The following SUPT6H variants were observed in gnomAD, a reference collection of about 807,000 sequenced individuals.
The protein encoded by SUPT6H is SPT6 homolog, histone chaperone and transcription elongation factor.
A neutral mutation model predicts 222.3 loss-of-function variants in SUPT6H; 11 were observed. That is an observed-to-expected ratio of 0.05 (90% confidence interval 0.03 to 0.08). The LOEUF is 0.08. Ranked by LOEUF, SUPT6H falls within the 10% of genes least tolerant of loss-of-function variation. The pLI, the probability that SUPT6H is intolerant of heterozygous loss-of-function variation, is 1.00. For synonymous variants in SUPT6H, 762 were observed against 801.2 expected (o/e 0.95, Z 0.83); for missense variants, 1,422 against 2,216.0 (o/e 0.64, Z 7.19).
chr17:28,685,036 G>C (rs2031313045), intron 19 of SUPT6H, 75 bp downstream of exon 19: 3 of 1,388,702 alleles, frequency 2.2e-6, no homozygotes, highest in East Asian at 2.5e-5. Context: ...AAGTGTTTAC[G>C]GTCTAAGCAA....
chr17:28,699,033 CACTT>C (rs1385223464), intron 32 of SUPT6H, among the ~76,000 whole-genome samples: 1 of 152,212 alleles, frequency 6.6e-6, no homozygotes, highest in African/African-American at 2.4e-5. Flanking sequence ...GCAGAATTAA[CACTT>C]ACGGAAGAGT....
In SUPT6H at chr17:28,695,507, C is replaced by T; in HGVS notation, c.3930C>T (p.His1310=). The change falls in exon 29 of 37, where the codon CAC becomes CAT. Residue 1310 remains histidine (H), a synonymous_variant. Transcript: ENST00000314616. ...YYDFDAEAAD[H]KQEEDMKRKQ... is the part of the protein sequence containing the mutation. Reference sequence around the variant, plus strand: ...ACTTTGATGCTGAAGCTGCAGACCACAAGCAGGAGGAGGACATGAAGCGGA... The same window carrying T: ...ACTTTGATGCTGAAGCTGCAGACCATAAGCAGGAGGAGGACATGAAGCGGA... The T allele has an allele frequency of 1.2e-6, 2 of 1,614,084 alleles. No homozygotes were observed. Among genetic ancestry groups the T allele is most frequent in the African/African-American group, 1.3e-5 (1 of 75,018 alleles).
In SUPT6H at chr17:28,682,988, G is replaced by A. The variant is rs750361031; in HGVS notation, c.1774G>A (p.Val592Ile). 6.2e-7 allele frequency: 1 copy of A among 1,613,826 alleles called. No individual in the cohort carries two copies. ...EAVLEGARYM[V>I]ALQIAREPLV... ...TGTGCTAGAAGGCGCCCGCTACATG[G>A]TAGCCCTGCAGATTGCCCGTGAGCC... is the stretch of plus-strand genomic sequence containing the variant. Residue 592 changes from valine (V) to isoleucine (I), a missense_variant, in exon 15 of 37, where the codon GTA becomes ATA. Transcript: ENST00000314616.
chr17:28,692,741 C>T (rs1170480376), intron 27 of SUPT6H, among the ~76,000 whole-genome samples: 2 of 148,078 alleles, frequency 1.4e-5, no homozygotes, highest in Non-Finnish European at 3.0e-5. Flanking sequence ...GTGGCTCACG[C>T]CTATAATCCC....
chr17:28,680,274 C>T (rs2031024886), intron 11 of SUPT6H, among the ~76,000 whole-genome samples: 1 of 151,804 alleles, frequency 6.6e-6, no homozygotes. Flanking sequence ...CCATTGCACT[C>T]CAGCCTGGGT....
chr17:28,670,699 C>A lies in SUPT6H; in HGVS notation c.-31-2672C>A, dbSNP rs576421420. Among the ~76,000 whole-genome samples, 6 of 152,174 alleles carry A rather than the reference C, an allele frequency of 3.9e-5. No homozygotes were observed. In the South Asian group the frequency reaches 1.2e-3, roughly 32 times the overall value. On this transcript the variant is annotated intron_variant, in intron 1 of 36. Coordinates refer to ENST00000314616, the MANE Select transcript of SUPT6H (RefSeq NM_003170.5). Reference sequence around the variant, plus strand: ...GTCAGGAGTTCAAGACCAGCCTGACCAACATGGAGAAACCCCCTCTCTACT... The same window carrying A: ...GTCAGGAGTTCAAGACCAGCCTGACAAACATGGAGAAACCCCCTCTCTACT...
intron 11 of SUPT6H, among the ~76,000 whole-genome samples, chr17:28,679,835 C>A (rs1411799361): frequency 1.3e-5 from 2 of 150,198 alleles, no homozygotes; most frequent in Non-Finnish European, 3.0e-5. Flanking sequence ...ACTGAAAATA[C>A]AAAAATTAGC....
Position 28,701,757 on chromosome 17 carries a change from C to T in SUPT6H, c.*132C>T, listed in dbSNP as rs2032146480. ...GAGACGTTCTCTTTGGTGGTCAACC[C>T]GGATGGGTGACAGGCTGGATGGCCT... On this transcript the variant is annotated 3_prime_UTR_variant, in exon 37 of 37. Transcript: ENST00000314616. The T allele has an allele frequency of 5.2e-6, 5 of 969,390 alleles. No individual in the cohort carries two copies. The highest frequency in any genetic ancestry group is 5.2e-5 in the East Asian group (2 of 38,800). 60.0% of individuals were successfully genotyped at this position (969,390 alleles called of 1,614,324 possible). A position where few individuals can be genotyped will look rare whatever the true frequency, so the allele number is the denominator to read the frequency against.
Position 28,689,408 on chromosome 17 carries a change from T to C in SUPT6H, c.3189T>C (p.Tyr1063=), listed in dbSNP as rs556523817. Residue 1063 remains tyrosine, a synonymous_variant, in exon 25 of 37, where the codon TAT becomes TAC. Transcript: ENST00000314616. ...LDGSRVHPET[Y]EWARKMAVDA... is the part of the protein sequence containing the mutation. ...GTTCCCGTGTCCACCCTGAGACTTA[T>C]GAGTGGGCTAGGAAGATGGCAGTGG... 16 of 1,614,230 alleles carry C rather than the reference T, an allele frequency of 9.9e-6. No individual in the cohort carries two copies. In the East Asian group the frequency reaches 1.6e-4, roughly 16 times the overall value.
chr17:28,680,003 AAAGAAAG>A (rs2031004172), intron 11 of SUPT6H, among the ~76,000 whole-genome samples: 1 of 46,056 alleles, frequency 2.2e-5, no homozygotes, highest in Non-Finnish European at 8.4e-5. Context: ...AAAAAAAAAA[AAAGAAAG>A]AAAGAAAAAG....
chr17:28,678,769 T>C (rs1433567959), intron 10 of SUPT6H, 52 bp from the exon 11 acceptor site: 4 of 1,613,574 alleles, frequency 2.5e-6, no homozygotes, highest in African/African-American at 1.3e-5. Flanking sequence ...AGAGCAGCCT[T>C]GAGTCTCCAG....
chr17:28,667,436 T>C lies in SUPT6H; in HGVS notation c.-32+5094T>C, dbSNP rs569284201. On this transcript the variant is annotated intron_variant, in intron 1 of 36. Coordinates refer to ENST00000314616, the MANE Select transcript of SUPT6H (RefSeq NM_003170.5). ...ATATATATATATATATATATATATA[T>C]GTATGTGTGTGTGTATACATATGTA... is the stretch of plus-strand genomic sequence containing the variant. Among the ~76,000 whole-genome samples, 161 of 132,422 alleles carry C rather than the reference T, an allele frequency of 1.2e-3. 3 individuals are homozygous for C. Among genetic ancestry groups the C allele is most frequent in the African/African-American group, 4.5e-3 (161 of 35,706 alleles). 86.9% of individuals were successfully genotyped at this position (132,422 alleles called of 152,430 possible).
intron 4 of SUPT6H, 59 bp downstream of exon 4, chr17:28,674,672 C>T: frequency 6.5e-7 from 1 of 1,540,984 alleles, no homozygotes; most frequent in Non-Finnish European, 9.0e-7. Context: ...CTGGAAATTT[C>T]AATGTCTGTG....
chr17:28,692,009 C>T (rs1001134549), intron 27 of SUPT6H, among the ~76,000 whole-genome samples: 1 of 151,866 alleles, frequency 6.6e-6, no homozygotes, highest in Non-Finnish European at 1.5e-5. Flanking sequence ...CATAGCAAGA[C>T]CCCATCTCCT....
chr17:28,687,574 G>A (rs1453056844), intron 23 of SUPT6H, 103 bp downstream of exon 23: 6 of 1,307,604 alleles, frequency 4.6e-6, no homozygotes, highest in Non-Finnish European at 6.2e-6. Context: ...ACCAAGGTCA[G>A]TGACTTGTCC....
intron 22 of SUPT6H, 35 bp from the exon 23 acceptor site, chr17:28,687,269 G>C (rs1384270892): frequency 6.2e-7 from 1 of 1,614,176 alleles, no homozygotes; most frequent in South Asian, 1.1e-5. Flanking sequence ...GGGAAAGGCA[G>C]AGTAACCTTA....
At position 28,700,494 on chromosome 17, in the gene SUPT6H, C is replaced by T. The variant is rs770489674; in HGVS notation, c.4788C>T (p.Gly1596=). 8 of 1,613,794 alleles carry T rather than the reference C, an allele frequency of 5.0e-6. No individual in the cohort carries two copies. The highest frequency in any genetic ancestry group is 4.5e-5 in the East Asian group (2 of 44,894). Residue 1596 remains glycine (G), a synonymous_variant, in exon 35 of 37, where the codon GGC becomes GGT. Coordinates refer to ENST00000314616, the MANE Select transcript of SUPT6H (RefSeq NM_003170.5). The part of the protein sequence containing the change: ...SSQYGYGGSG[G]GSSAYHVFPT... ...AGTACGGCTATGGCGGCAGTGGAGG[C>T]GGCAGCAGTGCTTACCACGTATGTG...
intron 19 of SUPT6H, among the ~76,000 whole-genome samples, chr17:28,685,740 T>G (rs2031349034): frequency 6.6e-6 from 1 of 152,172 alleles, no homozygotes; most frequent in African/African-American, 2.4e-5. Context: ...TGCCTCAGCC[T>G]CCCAAAGTGC....
At position 28,682,737 on chromosome 17, in the gene SUPT6H, C is replaced by T; in HGVS notation, c.1608C>T (p.Ala536=). 1 of 1,614,136 alleles carries T rather than the reference C, an allele frequency of 6.2e-7. No individual in the cohort carries two copies. Among genetic ancestry groups the T allele is most frequent in the East Asian group, 2.2e-5 (1 of 44,886 alleles). ...ICQSAGLDGL[A]KKFGLTPEQF... Reference sequence around the variant, plus strand: ...TTCTGTTTGCTTTAGATGGCCTGGCCAAAAAGTTTGGGCTTACTCCCGAGC... The same window carrying T: ...TTCTGTTTGCTTTAGATGGCCTGGCTAAAAAGTTTGGGCTTACTCCCGAGC... Residue 536 remains alanine, a synonymous_variant, in exon 14 of 37, where the codon GCC becomes GCT. Transcript: ENST00000314616.
Sources: allele counts gnomAD v4.1 joint callset (sites outside exome capture counted in the v4.1 genomes callset), GRCh38; gene constraint gnomAD v4.1.1; transcripts MANE v1.5; gene names NCBI Gene and HGNC (gene_info 2026-07-23, HGNC 2026-07-21).